Variants in MTFR1 observed in about 807,000 individuals in gnomAD.
MTFR1 encodes the protein chondrocyte protein with a poly-proline region.
In MTFR1, 28 loss-of-function variants were observed where a neutral mutation model predicts 38.8. The observed-to-expected ratio is 0.72, with a 90% confidence interval of 0.53 to 0.99. The LOEUF is 0.99. Ranked by LOEUF, MTFR1 falls within the 50% of genes least tolerant of loss-of-function variation. The probability of loss-of-function intolerance (pLI) is 0.00; values close to 1 mark genes in which losing one functional copy is unlikely to be tolerated. For synonymous variants in MTFR1, 145 were observed against 137.0 expected (o/e 1.06, Z -0.41); for missense variants, 358 against 395.5 (o/e 0.91, Z 0.81).
In MTFR1 at chr8:65,694,127, T is replaced by G. The variant is rs576126783; in HGVS notation, c.281+368T>G. 4.7e-5 allele frequency among the ~76,000 whole-genome samples: 7 copies of G among 150,454 alleles called. No homozygotes were observed. In the South Asian group the frequency reaches 1.5e-3, roughly 32 times the overall value. ...TCTTGTTCTGTCACCCACGCTCCAGTGCAGTGGCGTGATCTCGGCTCATTG... is the reference window on the plus strand; with the variant it reads ...TCTTGTTCTGTCACCCACGCTCCAGGGCAGTGGCGTGATCTCGGCTCATTG... On this transcript the variant is annotated intron_variant, in intron 4 of 7. Coordinates refer to ENST00000262146, the MANE Select transcript of MTFR1 (RefSeq NM_014637.4).
intron 3 of MTFR1, among the ~76,000 whole-genome samples, chr8:65,770,054 A>G (rs1164713058): frequency 6.6e-6 from 1 of 152,162 alleles, no homozygotes; most frequent in Non-Finnish European, 1.5e-5. Context: ...AAAAATAAAT[A>G]GTATAAAGAA....
chr8:65,742,169 T>C (rs1303264487), intron 3 of MTFR1, among the ~76,000 whole-genome samples: 1 of 152,236 alleles, frequency 6.6e-6, no homozygotes, highest in Non-Finnish European at 1.5e-5. Flanking sequence ...AAAATTGTAT[T>C]TTTAGAAAAG....
Position 65,669,807 on chromosome 8 carries a change from C to G in MTFR1, c.-80-66C>G, listed in dbSNP as rs1284829725. ...AATGTTTTAGGCTTGCTCTGTGAGA[C>G]ATGTAGACAGTACAAATTCTAAATA... is the stretch of plus-strand genomic sequence containing the variant. On this transcript the variant is annotated intron_variant, in intron 1 of 7. Transcript: ENST00000262146. The G allele has an allele frequency of 9.8e-6, 7 of 713,910 alleles. No individual in the cohort carries two copies. In the African/African-American group the frequency reaches 1.1e-4, roughly 11 times the overall value. The allele number at this position is 713,910 out of a possible 1,614,324, so 44.2% of individuals were successfully genotyped here. A position where few individuals can be genotyped will look rare whatever the true frequency, so the allele number is the denominator to read the frequency against.
chr8:65,656,743 C>T (rs1341725871), intron 1 of MTFR1, among the ~76,000 whole-genome samples: 5 of 151,586 alleles, frequency 3.3e-5, no homozygotes, highest in East Asian at 1.9e-4. Flanking sequence ...TCAGGTGATC[C>T]GCCTGCCTCA....
At chr8:65,746,849 T>C (rs1179981421) in intron 3 of MTFR1, among the ~76,000 whole-genome samples, 2 of 152,176 alleles carry the variant, frequency 1.3e-5, no homozygotes, top group South Asian at 2.1e-4. Context: ...TTCACTTTCA[T>C]GTAATTGTAA....
At chr8:65,719,753 TTC>T in intron 3 of MTFR1, 1 of 457,410 alleles carries the variant, frequency 2.2e-6, no homozygotes, top group Non-Finnish European at 4.0e-6. Flanking sequence ...CTGGTTATCC[TTC>T]TCAGTGGCAC....
At chr8:65,700,375 A>G (rs1032791623) in intron 4 of MTFR1, among the ~76,000 whole-genome samples, 5 of 151,572 alleles carry the variant, frequency 3.3e-5, no homozygotes, top group Non-Finnish European at 7.4e-5. Context: ...AAGAAAAAAG[A>G]AAACAAAAAA....
chr8:65,765,006 A>C (rs1808697808), intron 3 of MTFR1, among the ~76,000 whole-genome samples: 1 of 152,232 alleles, frequency 6.6e-6, no homozygotes. Flanking sequence ...GCCATAGTCA[A>C]TTCAATGCAA....
intron 1 of MTFR1, among the ~76,000 whole-genome samples, chr8:65,662,379 C>G (rs1023657540): frequency 6.6e-6 from 1 of 151,836 alleles, no homozygotes; most frequent in Non-Finnish European, 1.5e-5. Context: ...GGATGGCAGA[C>G]GGAGTCGCGT....
chr8:65,731,390 G>A (rs1158337379), intron 3 of MTFR1, among the ~76,000 whole-genome samples: 1 of 152,236 alleles, frequency 6.6e-6, no homozygotes, highest in Non-Finnish European at 1.5e-5. Flanking sequence ...CAGTGCTAGA[G>A]TGGGTTTATC....
intron 3 of MTFR1, among the ~76,000 whole-genome samples, chr8:65,745,194 C>T (rs942779326): frequency 2.0e-5 from 3 of 152,224 alleles, no homozygotes; most frequent in Non-Finnish European, 4.4e-5. Flanking sequence ...CCTCCCCAGC[C>T]ACATGGAACT....
Position 65,756,591 on chromosome 8 carries a change from T to C in MTFR1, c.*49-14356T>C, listed in dbSNP as rs559351602. ...TTCTAGAATTTCTGTTTGGTTCCTT[T>C]TTACAATTTCTTTCTCTTTACTGAG... On this transcript the variant is annotated intron_variant, in intron 3 of 3. Coordinates refer to the MTFR1 transcript ENST00000521247. Among the ~76,000 whole-genome samples the C allele has an allele frequency of 7.2e-5, 11 of 152,320 alleles. No homozygotes were observed. The East Asian group carries it at 2.1e-3, about 29-fold the overall frequency.
At chr8:65,648,270 G>T (rs1324881546) in intron 1 of MTFR1, among the ~76,000 whole-genome samples, 1 of 152,048 alleles carries the variant, frequency 6.6e-6, no homozygotes, top group Non-Finnish European at 1.5e-5. Flanking sequence ...GCCCACCTCG[G>T]CCTCCCAAAG....
At chr8:65,717,900 T>C (rs924005535) in intron 2 of MTFR1, 1 of 152,216 alleles carries the variant, frequency 6.6e-6, no homozygotes, top group African/African-American at 2.4e-5. Flanking sequence ...TAAAACTAGA[T>C]TACAGTTGTG....
At chr8:65,654,822 C>T (rs1300998681) in intron 1 of MTFR1, among the ~76,000 whole-genome samples, 1 of 152,154 alleles carries the variant, frequency 6.6e-6, no homozygotes, top group Non-Finnish European at 1.5e-5. Context: ...AATAGTTCTC[C>T]TGCCTCAGCC....
downstream of MTFR1, among the ~76,000 whole-genome samples, chr8:65,771,998 ACT>A (rs767979255): frequency 9.8e-4 from 149 of 152,122 alleles, no homozygotes; most frequent in Non-Finnish European, 1.9e-3. Context: ...GTGATAAATG[ACT>A]GGTTCAAGGA....
intron 1 of MTFR1, among the ~76,000 whole-genome samples, chr8:65,652,672 T>C (rs1179662404): frequency 2.0e-5 from 3 of 152,254 alleles, no homozygotes; most frequent in Non-Finnish European, 4.4e-5. Flanking sequence ...TTGTTCACTG[T>C]TGGCATATAG....
At chr8:65,746,963 A>G (rs1807701699) in intron 3 of MTFR1, among the ~76,000 whole-genome samples, 1 of 152,232 alleles carries the variant, frequency 6.6e-6, no homozygotes. Flanking sequence ...AATACATTGG[A>G]AATTTAATAT....
At chr8:65,665,640 C>T (rs1415174442) in intron 1 of MTFR1, among the ~76,000 whole-genome samples, 3 of 152,142 alleles carry the variant, frequency 2.0e-5, no homozygotes, top group Admixed American at 2.0e-4. Context: ...TTCCTTATCG[C>T]GCTAGCCAGC....
Sources: gnomAD v4.1 joint callset for allele counts (sites outside exome capture counted in the v4.1 genomes callset) on GRCh38, gnomAD v4.1.1 for gene constraint, MANE v1.5 for transcripts, NCBI Gene and HGNC (gene_info 2026-07-23, HGNC 2026-07-21) for gene names.